Variants in MYO3A observed in about 807,000 individuals in gnomAD.
MYO3A encodes the protein myosin-IIIa.
A neutral mutation model predicts 192.7 loss-of-function variants in MYO3A; 180 were observed. The ratio of observed to expected loss-of-function variants is 0.93; its 90% confidence interval spans 0.83 to 1.06. The LOEUF (loss-of-function observed/expected upper bound fraction) is 1.06, where lower values mean the gene tolerates loss of function less well. Ranked by LOEUF, MYO3A falls within the 50% of genes least tolerant of loss-of-function variation. MYO3A has a pLI of 0.00. For missense variants in MYO3A, 1,896 were observed against 1,905.0 expected (o/e 1.00, Z 0.09); for synonymous variants, 628 against 645.3 (o/e 0.97, Z 0.41).
chr10:26,177,990 G>A (rs184275651), intron 31 of MYO3A, among the ~76,000 whole-genome samples: 36 of 152,332 alleles, frequency 2.4e-4, no homozygotes, highest in African/African-American at 8.4e-4. Flanking sequence ...CTTCATTCCT[G>A]CTGCTCTCCT....
In MYO3A at chr10:26,186,770, C is replaced by A. The variant is rs1427657078; in HGVS notation, c.4439-6435C>A. Among the ~76,000 whole-genome samples, 4 of 152,148 alleles carry A rather than the reference C, an allele frequency of 2.6e-5. No individual in the cohort carries two copies. In the East Asian group the frequency reaches 7.7e-4, roughly 29 times the overall value. Reference sequence around the variant, plus strand: ...GGTAGTCATTTGTTAGCACTCTTTGCATATTAAAAATATGAACCCTTTATT... The same window carrying A: ...GGTAGTCATTTGTTAGCACTCTTTGAATATTAAAAATATGAACCCTTTATT... On this transcript the variant is annotated intron_variant, in intron 31 of 34. Coordinates refer to ENST00000642920, the MANE Select transcript of MYO3A (RefSeq NM_017433.5).
At chr10:25,934,613 A>AG (rs1358993813) in intron 1 of MYO3A, among the ~76,000 whole-genome samples, 1 of 59,454 alleles carries the variant, frequency 1.7e-5, no homozygotes, top group African/African-American at 6.9e-5. Context: ...GGAGAGCTCG[A>AG]GGGGAGGAGA....
intron 32 of MYO3A, among the ~76,000 whole-genome samples, chr10:26,195,759 T>A (rs1184136247): frequency 6.6e-6 from 1 of 152,240 alleles, no homozygotes; most frequent in African/African-American, 2.4e-5. Flanking sequence ...TCAGCCTAGA[T>A]GTCTTTTTCT....
intron 8 of MYO3A, chr10:26,022,358 T>A (rs1429763481): frequency 6.6e-6 from 1 of 152,206 alleles, no homozygotes; most frequent in Non-Finnish European, 1.5e-5. Context: ...GTGTTATTTT[T>A]AAATATCTTT....
At position 26,170,456 on chromosome 10, in the gene MYO3A, T is replaced by A; in HGVS notation, c.3315T>A (p.Ile1105=). 1 of 1,613,640 alleles carries A rather than the reference T, an allele frequency of 6.2e-7. No homozygotes were observed. Among genetic ancestry groups the A allele is most frequent in the South Asian group, 1.1e-5 (1 of 91,056 alleles). Residue 1105 remains isoleucine, a synonymous_variant, in exon 29 of 35, where the codon ATT becomes ATA. Transcript: ENST00000642920. Reference sequence around the variant, plus strand: ...TTGTCAGGAAACAAAGAAAAGAAATTGTTGACATGAAAAACACAGCAGTAA... The same window carrying A: ...TTGTCAGGAAACAAAGAAAAGAAATAGTTGACATGAAAAACACAGCAGTAA... ...GHLVRKQRKE[I]VDMKNTAVTT...
intron 14 of MYO3A, among the ~76,000 whole-genome samples, chr10:26,085,349 A>G (rs1195505887): frequency 6.6e-6 from 1 of 150,866 alleles, no homozygotes; most frequent in African/African-American, 2.4e-5. Flanking sequence ...ATGTTAGACT[A>G]TTTATTTTGG....
intron 27 of MYO3A, among the ~76,000 whole-genome samples, chr10:26,168,107 G>T (rs1339296178): frequency 6.6e-6 from 1 of 152,114 alleles, no homozygotes; most frequent in Non-Finnish European, 1.5e-5. Context: ...GGCAGCCTTT[G>T]GGTCCAGTGA....
intron 26 of MYO3A, among the ~76,000 whole-genome samples, chr10:26,158,222 A>C (rs1262475052): frequency 6.6e-6 from 1 of 152,120 alleles, no homozygotes; most frequent in Non-Finnish European, 1.5e-5. Context: ...TTTTTTTAAA[A>C]GAATCAATTG....
At position 26,026,547 on chromosome 10, in the gene MYO3A, T is replaced by C; in HGVS notation, c.953+15T>C. On this transcript the variant is annotated intron_variant, in intron 10 of 34. Transcript: ENST00000642920. ...GAAAAGGCCAGGTAATCAAATAATATCTTGATTCCAAAATCCAGAGATTAT... is the reference window on the plus strand; with the variant it reads ...GAAAAGGCCAGGTAATCAAATAATACCTTGATTCCAAAATCCAGAGATTAT... 1 of 1,612,902 alleles carries C rather than the reference T, an allele frequency of 6.2e-7. No homozygotes were observed. Among genetic ancestry groups the C allele is most frequent in the Non-Finnish European group, 8.5e-7 (1 of 1,178,978 alleles).
intron 10 of MYO3A, among the ~76,000 whole-genome samples, chr10:26,054,730 T>C (rs1844212703): frequency 6.6e-6 from 1 of 152,162 alleles, no homozygotes; most frequent in Non-Finnish European, 1.5e-5. Context: ...GAAGCAGCTG[T>C]TAAATTGATG....
intron 7 of MYO3A, among the ~76,000 whole-genome samples, chr10:26,017,533 A>G (rs1406275043): frequency 6.6e-6 from 1 of 152,134 alleles, no homozygotes; most frequent in African/African-American, 2.4e-5. Context: ...AAGCGCTGCT[A>G]TTTATCTCCA....
chr10:25,944,691 T>C (rs1836724934), intron 2 of MYO3A, among the ~76,000 whole-genome samples: 2 of 152,066 alleles, frequency 1.3e-5, no homozygotes, highest in South Asian at 4.1e-4. Context: ...TTTGTTGGCA[T>C]ACAAATGTTA....
intron 10 of MYO3A, among the ~76,000 whole-genome samples, chr10:26,062,244 A>G (rs1298575470): frequency 1.3e-5 from 2 of 152,072 alleles, no homozygotes; most frequent in Middle Eastern, 3.4e-3. Flanking sequence ...AGTGGCATAA[A>G]AAATTATGGA....
At chr10:26,140,560 T>C (rs1308939461) in intron 20 of MYO3A, among the ~76,000 whole-genome samples, 1 of 151,926 alleles carries the variant, frequency 6.6e-6, no homozygotes, top group African/African-American at 2.4e-5. Flanking sequence ...GGCAGGTGCC[T>C]GTAATCCCAG....
chr10:26,021,644 C>A lies in MYO3A; in HGVS notation c.727C>A (p.Pro243Thr). ...TCCCATGAGAGCACTCTTCAAAATA[C>A]CAAGGTCAGATGACTAACATTGGGT... is the stretch of plus-strand genomic sequence containing the variant. ...LHPMRALFKI[P>T]RNPPPKLRQP... Residue 243 changes from proline (P) to threonine (T), a missense_variant, in exon 8 of 35, where the codon CCA becomes ACA. Physicochemically the swap from Pro to Thr is conservative, Grantham distance 38. Coordinates refer to ENST00000642920, the MANE Select transcript of MYO3A (RefSeq NM_017433.5). The A allele has an allele frequency of 6.2e-7, 1 of 1,614,096 alleles. No homozygotes were observed. The highest frequency in any genetic ancestry group is 8.5e-7 in the Non-Finnish European group (1 of 1,179,954).
chr10:26,192,795 G>A (rs555133824), intron 31 of MYO3A, among the ~76,000 whole-genome samples: 4 of 151,502 alleles, frequency 2.6e-5, no homozygotes, highest in African/African-American at 9.7e-5. Flanking sequence ...CTGGGATTAC[G>A]GGTGCCCACC....
intron 14 of MYO3A, among the ~76,000 whole-genome samples, chr10:26,078,170 A>G (rs542735240): frequency 4.0e-5 from 6 of 149,550 alleles, no homozygotes; most frequent in South Asian, 2.1e-4. Context: ...TACAATTTCA[A>G]TCTTGCTGCT....
intron 1 of MYO3A, among the ~76,000 whole-genome samples, chr10:25,935,051 A>G (rs959370686): frequency 6.6e-6 from 1 of 152,070 alleles, no homozygotes; most frequent in Non-Finnish European, 1.5e-5. Context: ...CGCCGCCCAC[A>G]GGTGGCGCTG....
intron 26 of MYO3A, among the ~76,000 whole-genome samples, chr10:26,157,833 G>C (rs374603981): frequency 3.9e-5 from 6 of 152,188 alleles, no homozygotes; most frequent in Non-Finnish European, 8.8e-5. Flanking sequence ...CTGATTCTCA[G>C]CTGGGAGAGA....
Sources: allele counts gnomAD v4.1 joint callset (sites outside exome capture counted in the v4.1 genomes callset), GRCh38; gene constraint gnomAD v4.1.1; transcripts MANE v1.5; gene names NCBI Gene and HGNC (gene_info 2026-07-23, HGNC 2026-07-21).